Variants in FMNL2 observed in about 807,000 individuals in gnomAD.
FMNL2 encodes the protein formin-like protein 2.
Under a neutral mutation model 130.2 loss-of-function variants are expected in FMNL2, and 51 were observed. The ratio of observed to expected loss-of-function variants is 0.39; its 90% CI spans 0.31 to 0.49. The LOEUF (loss-of-function observed/expected upper bound fraction) is 0.49. Ranked by LOEUF, FMNL2 falls within the 20% of genes least tolerant of loss-of-function variation. FMNL2 has a pLI of 0.85. For synonymous variants in FMNL2, 465 were observed against 467.1 expected (o/e 1.00, Z 0.06); for missense variants, 977 against 1,316.2 (o/e 0.74, Z 3.99).
At chr2:152,359,565 T>A (rs1268765850) in intron 1 of FMNL2, among the ~76,000 whole-genome samples, 2 of 151,734 alleles carry the variant, frequency 1.3e-5, no homozygotes, top group Non-Finnish European at 1.5e-5. Context: ...GTGGAGTTGA[T>A]TTTTTTAAGC....
intron 9 of FMNL2, among the ~76,000 whole-genome samples, chr2:152,585,399 GA>G (rs968919385): frequency 7.2e-5 from 11 of 151,926 alleles, no homozygotes; most frequent in Non-Finnish European, 1.5e-4. Flanking sequence ...CTACCAAACA[GA>G]AAAAAATACA....
chr2:152,511,531 T>C (rs540349501), intron 1 of FMNL2, among the ~76,000 whole-genome samples: 53 of 152,338 alleles, frequency 3.5e-4, no homozygotes, highest in African/African-American at 1.2e-3. Flanking sequence ...GACAAAAGCA[T>C]AATCTTTCTC....
intron 1 of FMNL2, among the ~76,000 whole-genome samples, chr2:152,419,928 G>C (rs1191646324): frequency 6.6e-6 from 1 of 152,198 alleles, no homozygotes; most frequent in African/African-American, 2.4e-5. Flanking sequence ...CTAATGCCAG[G>C]CATCAGAGAC....
At chr2:152,599,430 T>G (rs1361074524) in intron 9 of FMNL2, among the ~76,000 whole-genome samples, 2 of 143,026 alleles carry the variant, frequency 1.4e-5, no homozygotes, top group African/African-American at 5.2e-5. Context: ...TTTTTTTTTT[T>G]TTTTTTTAGA....
chr2:152,526,481 C>G (rs1693392912), intron 2 of FMNL2, among the ~76,000 whole-genome samples: 1 of 152,144 alleles, frequency 6.6e-6, no homozygotes, highest in Non-Finnish European at 1.5e-5. Flanking sequence ...TAGCTATGCT[C>G]ACTCCTTTCT....
chr2:152,640,156 G>C (rs1350454841), intron 24 of FMNL2, 100 bp downstream of exon 24: 1 of 976,676 alleles, frequency 1.0e-6, no homozygotes, highest in Non-Finnish European at 1.5e-6. Flanking sequence ...GTGTGCCCAG[G>C]ATCCTGACCA....
chr2:152,647,994 AAC>A lies in FMNL2; in HGVS notation c.*97_*98del. 1 of 1,076,410 alleles carries A rather than the reference AAC, an allele frequency of 9.3e-7. No homozygotes were observed. The highest frequency in any genetic ancestry group is 1.5e-5 in the South Asian group (1 of 65,914). 66.7% of individuals were successfully genotyped at this position (1,076,410 alleles called of 1,614,324 possible). A position where few individuals can be genotyped will look rare whatever the true frequency, so the allele number is the denominator to read the frequency against. On this transcript the variant is annotated 3_prime_UTR_variant, in exon 26 of 26. Coordinates refer to ENST00000288670, the MANE Select transcript of FMNL2 (RefSeq NM_052905.4). ...GTGCTACGATTTAACTGCAGCCTTG[AAC>A]ACACACAAAAATATTCTTAAGGGCT...
At chr2:152,471,074 C>A (rs1040240658) in intron 1 of FMNL2, among the ~76,000 whole-genome samples, 2 of 152,032 alleles carry the variant, frequency 1.3e-5, no homozygotes, top group African/African-American at 2.4e-5. Flanking sequence ...TAAGAGACCT[C>A]CCTTTCATGT....
chr2:152,337,304 A>G (rs1397896626), intron 1 of FMNL2, among the ~76,000 whole-genome samples: 1 of 151,820 alleles, frequency 6.6e-6, no homozygotes, highest in Non-Finnish European at 1.5e-5. Flanking sequence ...CCCTCTTCCT[A>G]CTAGACATAT....
chr2:152,559,854 G>T (rs539877446), intron 5 of FMNL2, among the ~76,000 whole-genome samples: 39 of 152,258 alleles, frequency 2.6e-4, no homozygotes, highest in South Asian at 6.2e-4. Context: ...ATTACCTCCT[G>T]CAGCCAAAGG....
intron 15 of FMNL2, among the ~76,000 whole-genome samples, chr2:152,624,521 C>A (rs1681635668): frequency 6.6e-6 from 1 of 151,728 alleles, no homozygotes; most frequent in Admixed American, 6.6e-5. Context: ...CTGTATGTAC[C>A]CCTTTTTTCA....
intron 1 of FMNL2, among the ~76,000 whole-genome samples, chr2:152,410,013 A>T (rs1347007643): frequency 6.6e-6 from 1 of 152,190 alleles, no homozygotes; most frequent in Non-Finnish European, 1.5e-5. Context: ...TTTTTAAGTG[A>T]CAGTTTTGGA....
chr2:152,357,680 CTATA>C (rs1201229607), intron 1 of FMNL2, among the ~76,000 whole-genome samples: 1 of 141,414 alleles, frequency 7.1e-6, no homozygotes, highest in Non-Finnish European at 1.6e-5. Context: ...TAATGTATAA[CTATA>C]TATTAAATCA....
chr2:152,385,165 C>G (rs923603614), intron 1 of FMNL2, among the ~76,000 whole-genome samples: 1 of 152,208 alleles, frequency 6.6e-6, no homozygotes, highest in African/African-American at 2.4e-5. Context: ...AACAGTGACC[C>G]TTGAACCATG....
At chr2:152,399,931 G>T (rs975051932) in intron 1 of FMNL2, among the ~76,000 whole-genome samples, 3 of 152,148 alleles carry the variant, frequency 2.0e-5, no homozygotes, top group Admixed American at 6.5e-5. Context: ...AATGAAAGTG[G>T]CTCTTGGGGT....
chr2:152,640,243 G>A (rs1023341311), intron 24 of FMNL2, among the ~76,000 whole-genome samples, 187 bp downstream of exon 24: 1 of 152,190 alleles, frequency 6.6e-6, no homozygotes, highest in African/African-American at 2.4e-5. Context: ...ACTGGAATGA[G>A]GCTAAGAGCA....
At chr2:152,458,673 A>G (rs1391158163) in intron 1 of FMNL2, among the ~76,000 whole-genome samples, 1 of 152,158 alleles carries the variant, frequency 6.6e-6, no homozygotes, top group African/African-American at 2.4e-5. Context: ...CACTGATTAC[A>G]TGTTCTGGTA....
Position 152,624,953 on chromosome 2 carries a change from C to G in FMNL2, c.1838-485C>G, listed in dbSNP as rs539119614. ...AGTCAGCCTTCATGACGTTGTACTTCTGGTAGTCTAGTCAGCCACTGTCTG... is the reference window on the plus strand; with the variant it reads ...AGTCAGCCTTCATGACGTTGTACTTGTGGTAGTCTAGTCAGCCACTGTCTG... On this transcript the variant is annotated intron_variant, in intron 15 of 25. Transcript: ENST00000288670. 8.5e-5 allele frequency among the ~76,000 whole-genome samples: 13 copies of G among 152,324 alleles called. No homozygotes were observed. The South Asian group carries it at 2.7e-3, about 32-fold the overall frequency.
At chr2:152,419,476 C>T (rs896567368) in intron 1 of FMNL2, among the ~76,000 whole-genome samples, 2 of 152,056 alleles carry the variant, frequency 1.3e-5, no homozygotes, top group African/African-American at 4.8e-5. Context: ...CATGTTCTTA[C>T]ATATGTGGGA....
Sources: gnomAD v4.1 joint callset for allele counts (sites outside exome capture counted in the v4.1 genomes callset) on GRCh38, gnomAD v4.1.1 for gene constraint, MANE v1.5 for transcripts, NCBI Gene and HGNC (gene_info 2026-07-23, HGNC 2026-07-21) for gene names.